The following CHODL variants were observed in gnomAD, a reference collection of about 807,000 sequenced individuals.
CHODL encodes chondrolectin, also known as transmembrane protein MT75.
Under a neutral mutation model 34.5 loss-of-function variants are expected in CHODL, and 29 were observed. The ratio of observed to expected loss-of-function variants is 0.84; its 90% CI spans 0.63 to 1.15. The LOEUF (loss-of-function observed/expected upper bound fraction) is 1.15, where lower values mean the gene tolerates loss of function less well. Among genes scored for constraint, CHODL ranks in the 50% most tolerant of loss-of-function variants. The pLI, the probability that CHODL is intolerant of heterozygous loss-of-function variation, is 0.00. For missense variants in CHODL, 332 were observed against 332.5 expected (o/e 1.00, Z 0.01); for synonymous variants, 125 against 116.1 (o/e 1.08, Z -0.49).
chr21:18,182,404 G>A (rs1030874904), intron 2 of CHODL, among the ~76,000 whole-genome samples: 1 of 152,264 alleles, frequency 6.6e-6, no homozygotes, highest in African/African-American at 2.4e-5. Context: ...AACATTAGCC[G>A]GTAACTATGT....
At chr21:18,071,909 C>G (rs114733625) in intron 2 of CHODL, among the ~76,000 whole-genome samples, 86 of 152,154 alleles carry the variant, frequency 5.7e-4, no homozygotes, top group African/African-American at 2.0e-3. Context: ...CTCTGCTGGT[C>G]TGTGCATTGT....
chr21:18,169,167 A>G (rs560498653), intron 2 of CHODL, among the ~76,000 whole-genome samples: 1 of 152,046 alleles, frequency 6.6e-6, no homozygotes, highest in Non-Finnish European at 1.5e-5. Context: ...TTTGTAAAAA[A>G]TTTTTTGATT....
chr21:17,953,674 A>C (rs2063475784), intron 1 of CHODL, among the ~76,000 whole-genome samples: 1 of 152,152 alleles, frequency 6.6e-6, no homozygotes, highest in South Asian at 2.1e-4. Context: ...TATAATATAG[A>C]GATAGAGATT....
intron 2 of CHODL, among the ~76,000 whole-genome samples, chr21:18,234,983 T>TGTG (rs2074016018): frequency 6.6e-6 from 1 of 152,152 alleles, no homozygotes; most frequent in South Asian, 2.1e-4. Flanking sequence ...AGTGGCCTGA[T>TGTG]GTGGCTTATT....
chr21:17,943,108 A>G (rs1472675102), intron 1 of CHODL, among the ~76,000 whole-genome samples: 4 of 152,184 alleles, frequency 2.6e-5, no homozygotes, highest in Non-Finnish European at 4.4e-5. Context: ...ACCCAGTTTC[A>G]TTTAGTTCTT....
At chr21:18,168,653 T>G (rs2073186713) in intron 2 of CHODL, among the ~76,000 whole-genome samples, 1 of 152,214 alleles carries the variant, frequency 6.6e-6, no homozygotes, top group African/African-American at 2.4e-5. Context: ...TAAGAGTTCT[T>G]TATATATTCT....
chr21:18,096,961 G>C (rs2065147503), intron 2 of CHODL, among the ~76,000 whole-genome samples: 1 of 151,988 alleles, frequency 6.6e-6, no homozygotes, highest in Admixed American at 6.6e-5. Flanking sequence ...TTATTTCTCA[G>C]ACCTGCCGAC....
intron 2 of CHODL, among the ~76,000 whole-genome samples, chr21:18,171,432 C>T (rs1258267721): frequency 2.6e-5 from 4 of 151,322 alleles, no homozygotes; most frequent in Non-Finnish European, 5.9e-5. Context: ...TGGTCTCGAT[C>T]TCCTGACCTC....
At chr21:18,226,157 G>GA (rs988692961) in intron 2 of CHODL, among the ~76,000 whole-genome samples, 2 of 152,106 alleles carry the variant, frequency 1.3e-5, no homozygotes, top group African/African-American at 4.8e-5. Context: ...CCAACTTTGA[G>GA]AAAAAACTGA....
chr21:17,978,295 GCCT>G (rs1317731161), intron 1 of CHODL, among the ~76,000 whole-genome samples: 3 of 151,580 alleles, frequency 2.0e-5, no homozygotes, highest in Non-Finnish European at 4.4e-5. Context: ...GGTGGCGCAT[GCCT>G]GTAGTCCCAG....
At chr21:18,188,348 A>G (rs1342003954) in intron 2 of CHODL, among the ~76,000 whole-genome samples, 1 of 152,214 alleles carries the variant, frequency 6.6e-6, no homozygotes, top group African/African-American at 2.4e-5. Flanking sequence ...TTGCAAATGC[A>G]TATACCTATT....
chr21:17,949,487 A>C (rs370105995), intron 1 of CHODL, among the ~76,000 whole-genome samples: 2 of 152,292 alleles, frequency 1.3e-5, no homozygotes, highest in African/African-American at 4.8e-5. Flanking sequence ...AGCTGTGTCT[A>C]TGTGGGAGGG....
intron 2 of CHODL, among the ~76,000 whole-genome samples, chr21:18,069,885 C>T (rs2064775309): frequency 1.3e-5 from 2 of 151,862 alleles, no homozygotes; most frequent in African/African-American, 4.8e-5. Flanking sequence ...GCTGAGATTA[C>T]AGACATGAGC....
intron 1 of CHODL, among the ~76,000 whole-genome samples, chr21:17,975,952 A>G (rs117216): frequency 0.33 from 50,335 of 152,076 alleles, 8,967 homozygotes; most frequent in East Asian, 0.66. Flanking sequence ...AATAATTTTG[A>G]ATAATCAAAT....
intron 2 of CHODL, among the ~76,000 whole-genome samples, chr21:18,127,672 GTTTTTTTTT>G (rs71318127): frequency 2.9e-5 from 2 of 70,006 alleles, no homozygotes; most frequent in African/African-American, 5.3e-5. Context: ...CGTTGCCATT[GTTTTTTTTT>G]TTTTTTTTTT....
intron 1 of CHODL, among the ~76,000 whole-genome samples, chr21:18,024,286 C>A (rs1259156585): frequency 6.6e-6 from 1 of 152,060 alleles, no homozygotes; most frequent in Non-Finnish European, 1.5e-5. Context: ...CTACTGGTAT[C>A]CTATTCTTTC....
At chr21:18,222,370 A>C (rs1305389361) in intron 2 of CHODL, among the ~76,000 whole-genome samples, 3 of 152,164 alleles carry the variant, frequency 2.0e-5, no homozygotes, top group South Asian at 2.1e-4. Flanking sequence ...GCTTCAGGGC[A>C]GGATGTAGTC....
chr21:18,059,820 C>T (rs939751379), intron 2 of CHODL, among the ~76,000 whole-genome samples: 1 of 152,160 alleles, frequency 6.6e-6, no homozygotes, highest in African/African-American at 2.4e-5. Flanking sequence ...AGATTTTACA[C>T]TTTGCTGTTC....
chr21:18,065,310 G>A (rs1324397935), intron 2 of CHODL, among the ~76,000 whole-genome samples: 1 of 152,114 alleles, frequency 6.6e-6, no homozygotes, highest in Non-Finnish European at 1.5e-5. Context: ...TTTCATCTTT[G>A]TATCTCTAAA....
Sources: gnomAD v4.1 joint callset for allele counts (sites outside exome capture counted in the v4.1 genomes callset) on GRCh38, gnomAD v4.1.1 for gene constraint, MANE v1.5 for transcripts, NCBI Gene and HGNC (gene_info 2026-07-23, HGNC 2026-07-21) for gene names.